The following AKT3 variants were observed in gnomAD, a reference collection of about 807,000 sequenced individuals.
AKT3 encodes RAC-gamma serine/threonine-protein kinase.
In AKT3, 15 loss-of-function variants were observed where a neutral mutation model predicts 65.3. The ratio of observed to expected loss-of-function variants is 0.23; its 90% confidence interval spans 0.15 to 0.35. AKT3 has a LOEUF of 0.35. Ranked by LOEUF, AKT3 falls within the 10% of genes least tolerant of loss-of-function variation. The pLI is 1.00. For synonymous variants in AKT3, 206 were observed against 183.8 expected (o/e 1.12, Z -0.98); for missense variants, 243 against 576.5 (o/e 0.42, Z 5.92).
At chr1:243,510,525 A>C (rs1456796649) in intron 13 of AKT3, among the ~76,000 whole-genome samples, 2 of 152,374 alleles carry the variant, frequency 1.3e-5, no homozygotes, top group African/African-American at 4.8e-5. Flanking sequence ...TGATGGAATG[A>C]CATGTAAGCT....
intron 3 of AKT3, among the ~76,000 whole-genome samples, chr1:243,685,896 C>T (rs1684257942): frequency 6.6e-6 from 1 of 152,156 alleles, no homozygotes; most frequent in Non-Finnish European, 1.5e-5. Context: ...TGATAAGCAA[C>T]TTCAGTAAAG....
At chr1:243,830,360 C>A (rs1694426863) in intron 2 of AKT3, among the ~76,000 whole-genome samples, 1 of 152,146 alleles carries the variant, frequency 6.6e-6, no homozygotes, top group Non-Finnish European at 1.5e-5. Flanking sequence ...CTGGAACCAA[C>A]CCCCCGTGGA....
intron 11 of AKT3, among the ~76,000 whole-genome samples, chr1:243,551,478 G>C (rs1462243732): frequency 6.6e-6 from 1 of 151,858 alleles, no homozygotes; most frequent in Non-Finnish European, 1.5e-5. Context: ...TTCCTTACAA[G>C]GTTAAAAGCT....
chr1:243,727,544 T>C lies in AKT3; in HGVS notation c.47-31828A>G, dbSNP rs115232166. 9.3e-3 allele frequency among the ~76,000 whole-genome samples: 1,421 copies of C among 152,196 alleles called. 20 individuals are homozygous for C. The highest frequency in any genetic ancestry group is 0.032 in the African/African-American group (1,333 of 41,532). ...GATCCTCCCACCTCAGCCTCCCAAA[T>C]TGCCAGGATTACAGGTGTCAGCCAC... On this transcript the variant is annotated intron_variant, in intron 2 of 13. Coordinates refer to ENST00000673466, the MANE Select transcript of AKT3 (RefSeq NM_005465.7).
At chr1:243,830,772 T>C (rs774353184) in intron 2 of AKT3, among the ~76,000 whole-genome samples, 4 of 152,188 alleles carry the variant, frequency 2.6e-5, no homozygotes, top group Non-Finnish European at 5.9e-5. Context: ...GCATTAATCT[T>C]CCAAACCATA....
intron 3 of AKT3, among the ~76,000 whole-genome samples, chr1:243,665,447 A>C (rs1033077436): frequency 1.3e-5 from 2 of 152,188 alleles, no homozygotes; most frequent in African/African-American, 4.8e-5. Context: ...TTGACAATAT[A>C]AACTGCCTGT....
intron 1 of AKT3, among the ~76,000 whole-genome samples, chr1:243,844,706 T>A (rs555149504): frequency 2.0e-5 from 3 of 152,190 alleles, no homozygotes; most frequent in East Asian, 3.9e-4. Flanking sequence ...CAAATTTTTT[T>A]AAAAAGCAAA....
intron 2 of AKT3, among the ~76,000 whole-genome samples, chr1:243,834,549 C>G (rs1030032396): frequency 1.2e-4 from 19 of 152,046 alleles, no homozygotes; most frequent in Admixed American, 3.3e-4. Context: ...ACACACTGTA[C>G]TTTAGAGAGT....
At chr1:243,531,028 G>T (rs2148412700) in intron 12 of AKT3, among the ~76,000 whole-genome samples, 1 of 152,212 alleles carries the variant, frequency 6.6e-6, no homozygotes, top group East Asian at 1.9e-4. Flanking sequence ...AATAGTTACT[G>T]CTAAATACCT....
chr1:243,805,695 G>A (rs2148380437), intron 2 of AKT3, among the ~76,000 whole-genome samples: 1 of 152,064 alleles, frequency 6.6e-6, no homozygotes, highest in Non-Finnish European at 1.5e-5. Context: ...GTAAAATCTT[G>A]CCCATTGGTT....
chr1:243,829,237 A>C (rs926185830), intron 2 of AKT3, among the ~76,000 whole-genome samples: 5 of 151,944 alleles, frequency 3.3e-5, no homozygotes, highest in Non-Finnish European at 5.9e-5. Context: ...GAAGAAAGGA[A>C]TCACACGATA....
chr1:243,703,099 A>G (rs1685568639), intron 2 of AKT3: 1 of 152,248 alleles, frequency 6.6e-6, no homozygotes, highest in Admixed American at 6.5e-5. Context: ...ATTTAATTTC[A>G]TCATTCACAA....
At chr1:243,632,485 T>C (rs1288040916) in intron 6 of AKT3, among the ~76,000 whole-genome samples, 1 of 152,186 alleles carries the variant, frequency 6.6e-6, no homozygotes, top group Admixed American at 6.5e-5. Context: ...CTTTGTTGCT[T>C]TACTGATAAG....
chr1:243,526,559 A>G (rs1671095359), intron 12 of AKT3, among the ~76,000 whole-genome samples: 1 of 152,142 alleles, frequency 6.6e-6, no homozygotes, highest in Non-Finnish European at 1.5e-5. Flanking sequence ...TAGTCAACTG[A>G]CATATTACAA....
intron 12 of AKT3, among the ~76,000 whole-genome samples, chr1:243,522,798 T>TA (rs1280648475): frequency 1.3e-5 from 2 of 152,042 alleles, no homozygotes; most frequent in African/African-American, 4.8e-5. Flanking sequence ...CAGAAATAAA[T>TA]AAAAAATATA....
At chr1:243,843,557 AAAATT>A in intron 1 of AKT3, 18 of 1,039,044 alleles carry the variant, frequency 1.7e-5, no homozygotes, top group Non-Finnish European at 2.1e-5. Context: ...AATAATAGAG[AAAATT>A]TGTTTGGTGA....
chr1:243,819,414 C>T (rs1453423408), intron 2 of AKT3, among the ~76,000 whole-genome samples: 1 of 152,236 alleles, frequency 6.6e-6, no homozygotes, highest in East Asian at 1.9e-4. Flanking sequence ...GATCCTGACC[C>T]ATCCCTCCTC....
chr1:243,556,548 G>A (rs908487538), intron 10 of AKT3, among the ~76,000 whole-genome samples: 6 of 152,086 alleles, frequency 3.9e-5, no homozygotes, highest in Non-Finnish European at 7.4e-5. Flanking sequence ...GTGGCTTACT[G>A]CTCAATCAAT....
chr1:243,839,749 T>C (rs1169744489), intron 2 of AKT3, among the ~76,000 whole-genome samples: 2 of 151,990 alleles, frequency 1.3e-5, no homozygotes, highest in Non-Finnish European at 2.9e-5. Flanking sequence ...ATAACAACAA[T>C]TGATGCATAT....
Sources: gnomAD v4.1 joint callset for allele counts (sites outside exome capture counted in the v4.1 genomes callset) on GRCh38, gnomAD v4.1.1 for gene constraint, MANE v1.5 for transcripts, NCBI Gene and HGNC (gene_info 2026-07-23, HGNC 2026-07-21) for gene names.